Variants in TPPP2 observed in about 807,000 individuals in gnomAD.
TPPP2 encodes the protein tubulin polymerization-promoting protein family member 2.
TPPP2 carries 8 observed loss-of-function variants against 13.0 expected under a neutral mutation model. That is an observed-to-expected ratio of 0.62 (90% CI 0.36 to 1.11). TPPP2 has a LOEUF of 1.11. Ranked by LOEUF, TPPP2 falls within the 50% of genes most tolerant of loss-of-function variation. The pLI is 0.02. For missense variants in TPPP2, 213 were observed against 216.9 expected, an observed-to-expected ratio of 0.98 and a Z score of 0.11; for synonymous variants, 81 against 81.8, an observed-to-expected ratio of 0.99 and a Z score of 0.05.
chr14:21,029,770 A>G (rs1883934156), upstream of TPPP2, among the ~76,000 whole-genome samples: 1 of 152,164 alleles, frequency 6.6e-6, no homozygotes, highest in Admixed American at 6.5e-5. Context: ...CTACCATGTG[A>G]GGACACAGCA....
chr14:21,034,954 GA>G (rs1171153752), downstream of TPPP2, among the ~76,000 whole-genome samples: 1 of 152,228 alleles, frequency 6.6e-6, no homozygotes, highest in Non-Finnish European at 1.5e-5. Flanking sequence ...GGCTTTCTTT[GA>G]TGTTTTCTCT....
chr14:21,032,208 G>A lies in TPPP2; in HGVS notation c.*131G>A, dbSNP rs1296928530. 2 of 968,062 alleles carry A rather than the reference G, an allele frequency of 2.1e-6. No individual in the cohort carries two copies. The highest frequency in any genetic ancestry group is 5.2e-5 in the East Asian group (2 of 38,694). 60.0% of individuals were successfully genotyped at this position (968,062 alleles called of 1,614,324 possible). The stretch of plus-strand genomic sequence containing the variant: ...CTGTGAGGGACAGATGAGCCTACTA[G>A]TGTAGAGAGAGGGAGAAGAGGCAGC... On this transcript the variant is annotated 3_prime_UTR_variant, in exon 4 of 4. Coordinates refer to ENST00000321760, the MANE Select transcript of TPPP2 (RefSeq NM_173846.5).
chr14:21,034,996 G>C (rs555316784), downstream of TPPP2, among the ~76,000 whole-genome samples: 1 of 152,226 alleles, frequency 6.6e-6, no homozygotes, highest in South Asian at 2.1e-4. Context: ...GTGGCAAGGT[G>C]AGTAGGAAAG....
At chr14:21,033,870 C>T (rs143881017), downstream of TPPP2, 388 of 1,613,988 alleles carry the variant, frequency 2.4e-4, no homozygotes, top group East Asian at 7.3e-3. Context: ...TTCATACTTG[C>T]GGGAGCAGAG....
downstream of TPPP2, chr14:21,036,334 G>T (rs781405612): frequency 9.4e-5 from 42 of 446,746 alleles, no homozygotes; most frequent in Non-Finnish European, 1.6e-4. Flanking sequence ...TTCTCATAGG[G>T]TAGGGGTGCC....
chr14:21,024,690 C>A (rs1286537743), intron 1 of TPPP2: 27 of 985,470 alleles, frequency 2.7e-5, no homozygotes, highest in African/African-American at 7.0e-5. Flanking sequence ...CGAAGGCAAG[C>A]GCCATCGGGA....
downstream of TPPP2, chr14:21,034,128 C>T: frequency 6.2e-7 from 1 of 1,614,192 alleles, no homozygotes; most frequent in Non-Finnish European, 8.5e-7. Context: ...GGACATCAGA[C>T]CATTACAATA....
At chr14:21,025,954 G>A (rs1883555363), upstream of TPPP2, 2 of 154,032 alleles carry the variant, frequency 1.3e-5, no homozygotes, top group African/African-American at 2.4e-5. This position sits in a 1 kb window ranked among gnomAD's most constrained non-coding sequence, Gnocchi z 5.1. Context: ...GTAGGGGCTT[G>A]GGGAGGACGC....
At position 21,024,897 on chromosome 14, in the gene TPPP2, A is replaced by G. The variant is rs1250031999; in HGVS notation, n.236+553A>G. 4 of 985,418 alleles carry G rather than the reference A, an allele frequency of 4.1e-6. No individual in the cohort carries two copies. The African/African-American group carries it at 7.0e-5, about 17-fold the overall frequency. The allele number at this position is 985,418 out of a possible 1,614,324, so 61.0% of individuals were successfully genotyped here. ...GGAGCCTCAGCCTTTGTGCGCAGCA[A>G]CCGAGCGCCCGCTCCGTGCTGGCCC... On this transcript the variant is annotated intron_variant and non_coding_transcript_variant, in intron 1 of 1. Coordinates refer to the TPPP2 transcript ENST00000533755.
downstream of TPPP2, chr14:21,036,031 C>T (rs1282442028): frequency 2.7e-5 from 10 of 377,272 alleles, no homozygotes; most frequent in Middle Eastern, 3.7e-4. Flanking sequence ...TTTTACCTCA[C>T]GGCAGTATGA....
rs528214749 is a variant in TPPP2, at chr14:21,031,144, C to G, written c.306C>G (p.Asp102Glu). The change falls in exon 3 of 4, where the codon GAC becomes GAG. Residue 102 changes from aspartate to glutamate, a missense_variant. By Grantham distance (45) the Asp-to-Glu change is conservative. Transcript: ENST00000321760. Reference protein sequence around the residue: ...ENIYGLMEGKDPATTGATKAT... With the variant: ...ENIYGLMEGKEPATTGATKAT... ...TTTATGGACTCATGGAGGGCAAAGACCCAGCCACCACTGGCGCTACTGTGA... is the reference window on the plus strand; with the variant it reads ...TTTATGGACTCATGGAGGGCAAAGAGCCAGCCACCACTGGCGCTACTGTGA... 5 of 1,613,946 alleles carry G rather than the reference C, an allele frequency of 3.1e-6. No individual in the cohort carries two copies. The East Asian group carries it at 1.1e-4, about 36-fold the overall frequency.
upstream of TPPP2, among the ~76,000 whole-genome samples, chr14:21,028,063 C>T (rs1566484050): frequency 6.6e-6 from 1 of 152,204 alleles, no homozygotes; most frequent in East Asian, 1.9e-4. Flanking sequence ...GTGAGTTGCC[C>T]AAGTCCACTC....
At chr14:21,036,106 A>G, downstream of TPPP2, 1 of 443,266 alleles carries the variant, frequency 2.3e-6, no homozygotes, top group East Asian at 7.0e-5. Context: ...AGTCCTCAGT[A>G]TGAGCCTGAG....
chr14:21,024,764 C>G, intron 1 of TPPP2: 1 of 985,576 alleles, frequency 1.0e-6, no homozygotes, highest in Non-Finnish European at 1.2e-6. Flanking sequence ...CTACGAGTCC[C>G]TACGCAGCCC....
chr14:21,030,861 C>G, intron 2 of TPPP2, 107 bp downstream of exon 2: 1 of 1,511,124 alleles, frequency 6.6e-7, no homozygotes, highest in Non-Finnish European at 9.0e-7. Context: ...CCAAGCACCA[C>G]AGGGTACCTG....
At chr14:21,031,300 C>T (rs1206647125) in intron 3 of TPPP2, 135 bp downstream of exon 3, 3 of 1,209,214 alleles carry the variant, frequency 2.5e-6, no homozygotes, top group Admixed American at 3.1e-5. Context: ...CTAGACATTC[C>T]AGAAGTCAGG....
rs201559716 is a variant in TPPP2, at chr14:21,031,183, T to C, written c.327+18T>C. On this transcript the variant is annotated intron_variant, in intron 3 of 3. Transcript: ENST00000321760. ...GCGCTACTGTGAGTGACAGCCTTCA[T>C]CCCCTTGACCCTACTTCCCTAAATC... 1 of 1,611,544 alleles carries C rather than the reference T, an allele frequency of 6.2e-7. No homozygotes were observed. Among genetic ancestry groups the C allele is most frequent in the Admixed American group, 1.7e-5 (1 of 59,684 alleles).
upstream of TPPP2, chr14:21,025,778 T>A: frequency 2.4e-6 from 2 of 821,826 alleles, no homozygotes; most frequent in Non-Finnish European, 2.9e-6. The surrounding 1 kb of genome is among the most constrained non-coding windows in gnomAD (Gnocchi z 5.1). Context: ...GGGGGGCCGC[T>A]ATAAATAGAG....
At chr14:21,034,844 A>C (rs559991074), downstream of TPPP2, 1 of 153,560 alleles carries the variant, frequency 6.5e-6, no homozygotes, top group East Asian at 1.9e-4. Context: ...AGAGGGTTGG[A>C]TGGGTGGGAG....
Sources: allele counts gnomAD v4.1 joint callset (sites outside exome capture counted in the v4.1 genomes callset), GRCh38; gene constraint gnomAD v4.1.1; non-coding constraint Gnocchi (gnomAD v3.1); transcripts MANE v1.5; gene names NCBI Gene and HGNC (gene_info 2026-07-23, HGNC 2026-07-21).